NTM: variants seen among roughly 807,000 people sequenced by gnomAD.
NTM encodes neurotrimin.
Under a neutral mutation model 42.1 loss-of-function variants are expected in NTM, and 13 were observed. That is an observed-to-expected ratio of 0.31 (90% CI 0.20 to 0.49). NTM has a LOEUF of 0.49. NTM is among the 20% of genes least tolerant of loss of function. NTM has a pLI of 0.99. For synonymous variants in NTM, 187 were observed against 179.2 expected (o/e 1.04, Z -0.35); for missense variants, 373 against 452.8 (o/e 0.82, Z 1.60).
chr11:131,568,760 G>T (rs150594779), intron 1 of NTM, among the ~76,000 whole-genome samples: 22 of 152,272 alleles, frequency 1.4e-4, no homozygotes, highest in African/African-American at 5.3e-4. Flanking sequence ...GCACCAGCAC[G>T]CATTCAAAGT....
At chr11:132,289,956 G>T (rs1305924321) in intron 4 of NTM, among the ~76,000 whole-genome samples, 7 of 152,148 alleles carry the variant, frequency 4.6e-5, no homozygotes, top group African/African-American at 1.7e-4. Flanking sequence ...TGTTTCTGTT[G>T]GCATTTGCTA....
At chr11:131,583,897 A>G (rs1421810464) in intron 1 of NTM, among the ~76,000 whole-genome samples, 3 of 152,168 alleles carry the variant, frequency 2.0e-5, no homozygotes, top group Non-Finnish European at 2.9e-5. Flanking sequence ...GTCCACTATC[A>G]ATGGACCCCT....
chr11:132,009,815 A>G lies in NTM; in HGVS notation c.167+98167A>G, dbSNP rs187643683. On this transcript the variant is annotated intron_variant, in intron 2 of 8. Transcript: ENST00000683400. The stretch of plus-strand genomic sequence containing the variant: ...GTCATCGGTGTGTTTTGCCTTTTCA[A>G]TTTTGTAGGAAGGTGATCATGATGC... Among the ~76,000 whole-genome samples the G allele has an allele frequency of 3.3e-3, 502 of 152,296 alleles. 3 individuals carry two copies. The highest frequency in any genetic ancestry group is 0.011 in the African/African-American group (473 of 41,568).
At chr11:132,197,483 AAGAG>A (rs1250297011) in intron 3 of NTM, among the ~76,000 whole-genome samples, 1 of 151,860 alleles carries the variant, frequency 6.6e-6, no homozygotes, top group Non-Finnish European at 1.5e-5. Flanking sequence ...TTAATTTTGA[AAGAG>A]AGATGTTTAT....
At chr11:131,939,181 G>A (rs2059542446) in intron 2 of NTM, among the ~76,000 whole-genome samples, 1 of 152,114 alleles carries the variant, frequency 6.6e-6, no homozygotes, top group African/African-American at 2.4e-5. Context: ...AATATTTAAA[G>A]GTTGGAGGGA....
intron 1 of NTM, among the ~76,000 whole-genome samples, chr11:131,456,454 T>G (rs1950900886): frequency 6.6e-6 from 1 of 152,128 alleles, no homozygotes; most frequent in South Asian, 2.1e-4. Context: ...CTGCCCTCCC[T>G]CCTTCGTTCT....
At chr11:131,822,987 C>A (rs924370641) in intron 1 of NTM, among the ~76,000 whole-genome samples, 5 of 152,204 alleles carry the variant, frequency 3.3e-5, no homozygotes, top group Admixed American at 1.3e-4. Context: ...TCCCTTCCTC[C>A]TTCCCTTCCT....
intron 2 of NTM, among the ~76,000 whole-genome samples, chr11:132,040,873 A>G (rs1456771989): frequency 6.6e-6 from 1 of 152,202 alleles, no homozygotes; most frequent in East Asian, 1.9e-4. Flanking sequence ...CTAGCTAGCT[A>G]TGTGACCATG....
intron 1 of NTM, among the ~76,000 whole-genome samples, chr11:131,685,372 A>ATCCATGGGAAGCAGCTGG: frequency 6.6e-6 from 1 of 152,296 alleles, no homozygotes; most frequent in African/African-American, 2.4e-5. Flanking sequence ...AGAGTCGGGC[A>ATCCATGGGAAGCAGCTGG]GGCAGGCTGA....
At chr11:131,378,843 A>C (rs1320311996) in intron 1 of NTM, among the ~76,000 whole-genome samples, 1 of 152,150 alleles carries the variant, frequency 6.6e-6, no homozygotes, top group Non-Finnish European at 1.5e-5. Context: ...ATCCAGCTGC[A>C]TTGCTTCCAC....
intron 2 of NTM, among the ~76,000 whole-genome samples, chr11:132,082,111 C>T (rs77283125): frequency 0.02 from 3,005 of 150,724 alleles, 45 homozygotes; most frequent in African/African-American, 0.025. Context: ...AAGGTTAAAA[C>T]ACTTTTGTAG....
At chr11:131,599,846 G>C (rs751267910) in intron 1 of NTM, among the ~76,000 whole-genome samples, 7 of 152,346 alleles carry the variant, frequency 4.6e-5, no homozygotes, top group Non-Finnish European at 1.0e-4. Flanking sequence ...CTCCCAGTCA[G>C]ACCTAGATCT....
chr11:132,165,048 TG>T (rs2075041986), intron 3 of NTM, among the ~76,000 whole-genome samples: 9 of 152,316 alleles, frequency 5.9e-5, no homozygotes, highest in African/African-American at 1.9e-4. Flanking sequence ...GGCTACATGC[TG>T]TCCAGTGACC....
intron 2 of NTM, among the ~76,000 whole-genome samples, chr11:131,965,471 G>A (rs2062718992): frequency 6.6e-6 from 1 of 152,162 alleles, no homozygotes; most frequent in Admixed American, 6.5e-5. Context: ...CATGCTAAAA[G>A]GGCATCGGCA....
chr11:132,051,736 C>T (rs906801785), intron 2 of NTM, among the ~76,000 whole-genome samples: 8 of 152,222 alleles, frequency 5.3e-5, no homozygotes, highest in Non-Finnish European at 1.0e-4. Context: ...CCACTCCTCA[C>T]TGCTCATCTA....
rs751803244 is a variant in NTM, at chr11:132,035,100, G to A, written c.168-111182G>A. 2.0e-5 allele frequency among the ~76,000 whole-genome samples: 3 copies of A among 152,178 alleles called. No homozygotes were observed. In the South Asian group the frequency reaches 6.2e-4, roughly 32 times the overall value. ...TAACTGAGAGGACTGTGGACTGAGA[G>A]AAATTTAAAATGTTCCTTTCTAAAA... is the stretch of plus-strand genomic sequence containing the variant. On this transcript the variant is annotated intron_variant, in intron 2 of 8. Transcript: ENST00000683400.
intron 1 of NTM, among the ~76,000 whole-genome samples, chr11:131,738,295 C>A (rs1354318391): frequency 6.6e-6 from 1 of 152,214 alleles, no homozygotes; most frequent in East Asian, 1.9e-4. Flanking sequence ...TACCCCTCAT[C>A]CTATGGGTTT....
At chr11:131,371,248 T>C (rs1941134386) in intron 1 of NTM, among the ~76,000 whole-genome samples, 1 of 152,244 alleles carries the variant, frequency 6.6e-6, no homozygotes, top group Non-Finnish European at 1.5e-5. Context: ...ACAGGGTTGC[T>C]AATGTGTTGC....
At chr11:132,227,101 G>T (rs573046668) in intron 4 of NTM, among the ~76,000 whole-genome samples, 1 of 152,206 alleles carries the variant, frequency 6.6e-6, no homozygotes, top group Admixed American at 6.5e-5. Context: ...CATGCAGCGT[G>T]AAGGCAGACA....
Sources: allele counts gnomAD v4.1 joint callset (sites outside exome capture counted in the v4.1 genomes callset), GRCh38; gene constraint gnomAD v4.1.1; transcripts MANE v1.5; gene names NCBI Gene and HGNC (gene_info 2026-07-23, HGNC 2026-07-21).